Variants in TENM4 observed in about 807,000 individuals in gnomAD.
The protein encoded by TENM4 is teneurin transmembrane protein 4.
Under a neutral mutation model 243.3 loss-of-function variants are expected in TENM4, and 82 were observed. The observed-to-expected ratio is 0.34, with a 90% CI of 0.28 to 0.40. The LOEUF is 0.40. Ranked by LOEUF, TENM4 falls within the 10% of genes least tolerant of loss-of-function variation. The pLI is 1.00. For synonymous variants in TENM4, 1,412 were observed against 1,456.3 expected (o/e 0.97, Z 0.69); for missense variants, 3,138 against 3,673.3 (o/e 0.85, Z 3.77).
intron 4 of TENM4, among the ~76,000 whole-genome samples, chr11:79,101,698 C>A (rs958843604): frequency 1.3e-5 from 2 of 152,188 alleles, no homozygotes; most frequent in Non-Finnish European, 2.9e-5. Context: ...GCTTTATAAA[C>A]CAGAAAACAT....
At chr11:79,269,413 G>T (rs1367179398) in intron 2 of TENM4, among the ~76,000 whole-genome samples, 5 of 152,178 alleles carry the variant, frequency 3.3e-5, no homozygotes, top group Non-Finnish European at 2.9e-5. Context: ...TTCCTGAAGA[G>T]AATAAAAACA....
At chr11:79,331,290 G>A (rs527273830) in intron 1 of TENM4, among the ~76,000 whole-genome samples, 8 of 152,192 alleles carry the variant, frequency 5.3e-5, no homozygotes, top group African/African-American at 1.7e-4. Context: ...ATAGATGGAG[G>A]AGCCCAGGCC....
In TENM4 at chr11:78,805,281, C is replaced by CACCCACCACCCCCCCCCCCA; in HGVS notation, c.2179+10_2179+11insTGGGGGGGGGGGTGGTGGGT. 1 of 1,488,494 alleles carries CACCCACCACCCCCCCCCCCA rather than the reference C, an allele frequency of 6.7e-7. No homozygotes were observed. The allele number at this position is 1,488,494 out of a possible 1,614,324, so 92.2% of individuals were successfully genotyped here. A position where few individuals can be genotyped will look rare whatever the true frequency, so the allele number is the denominator to read the frequency against. On this transcript the variant is annotated intron_variant, in intron 15 of 33. Transcript: ENST00000278550. ...TCCCTCTACCCATGCTTCTTCTCCCCCTGCATTTACCGATAGAACAGTCGT... is the reference window on the plus strand; with the variant it reads ...TCCCTCTACCCATGCTTCTTCTCCCCACCCACCACCCCCCCCCCCACTGCATTTACCGATAGAACAGTCGT...
intron 28 of TENM4, among the ~76,000 whole-genome samples, chr11:78,689,274 G>T (rs949220): frequency 0.061 from 9,252 of 152,150 alleles, 680 homozygotes; most frequent in African/African-American, 0.18. Flanking sequence ...CAACACATGC[G>T]CTCCTCCCTG....
intron 27 of TENM4, among the ~76,000 whole-genome samples, chr11:78,703,278 G>A (rs1182591979): frequency 6.6e-6 from 1 of 152,112 alleles, no homozygotes; most frequent in Admixed American, 6.5e-5. Context: ...GAGCATAAAC[G>A]CAGAATGACA....
chr11:78,727,037 C>T (rs1418848688), intron 22 of TENM4, among the ~76,000 whole-genome samples: 1 of 152,188 alleles, frequency 6.6e-6, no homozygotes, highest in East Asian at 1.9e-4. Flanking sequence ...AGTGCATCCA[C>T]TGTAGGAATA....
At chr11:78,969,196 A>C (rs1857493691) in intron 6 of TENM4, among the ~76,000 whole-genome samples, 1 of 152,230 alleles carries the variant, frequency 6.6e-6, no homozygotes, top group Non-Finnish European at 1.5e-5. Context: ...TTTGGGAAAG[A>C]AGCAATGACA....
intron 4 of TENM4, among the ~76,000 whole-genome samples, chr11:79,125,121 A>C (rs1223062605): frequency 6.6e-6 from 1 of 151,986 alleles, no homozygotes; most frequent in Non-Finnish European, 1.5e-5. Flanking sequence ...GAGAACACTG[A>C]TAGTCCTTGG....
At chr11:79,157,938 GT>G (rs1167382859) in intron 3 of TENM4, among the ~76,000 whole-genome samples, 2 of 152,194 alleles carry the variant, frequency 1.3e-5, no homozygotes, top group Non-Finnish European at 2.9e-5. Context: ...GTTCTAACTA[GT>G]CTGGGGAGTT....
intron 6 of TENM4, among the ~76,000 whole-genome samples, chr11:79,003,714 G>A (rs958216411): frequency 3.3e-5 from 5 of 152,086 alleles, no homozygotes; most frequent in Non-Finnish European, 7.4e-5. Flanking sequence ...TGTACAAGAT[G>A]ACCATCCCCA....
At chr11:79,027,033 A>C (rs1859098474) in intron 6 of TENM4, among the ~76,000 whole-genome samples, 1 of 152,166 alleles carries the variant, frequency 6.6e-6, no homozygotes, top group Non-Finnish European at 1.5e-5. Context: ...GAGTTCCTAC[A>C]CACTCCCATG....
chr11:78,789,043 G>C (rs573513731), intron 15 of TENM4, among the ~76,000 whole-genome samples: 6 of 151,030 alleles, frequency 4.0e-5, no homozygotes, highest in African/African-American at 1.5e-4. Context: ...CTGTTTCTTT[G>C]TCTGTCTTAT....
intron 2 of TENM4, among the ~76,000 whole-genome samples, chr11:79,239,661 A>G (rs1776740394): frequency 6.6e-6 from 1 of 152,184 alleles, no homozygotes; most frequent in African/African-American, 2.4e-5. Context: ...AAAAGAAACT[A>G]ACAGTCGTTT....
intron 6 of TENM4, among the ~76,000 whole-genome samples, chr11:79,007,143 A>G (rs1467233378): frequency 6.6e-6 from 1 of 152,224 alleles, no homozygotes; most frequent in Non-Finnish European, 1.5e-5. Flanking sequence ...AATTCTTTAA[A>G]ATAAGCCTCT....
At chr11:78,977,917 C>T (rs1857701399) in intron 6 of TENM4, among the ~76,000 whole-genome samples, 1 of 152,168 alleles carries the variant, frequency 6.6e-6, no homozygotes, top group Non-Finnish European at 1.5e-5. Flanking sequence ...ATGTTTATTG[C>T]AGCACGGTTC....
intron 20 of TENM4, among the ~76,000 whole-genome samples, chr11:78,736,005 A>G (rs1317074066): frequency 6.6e-6 from 1 of 151,598 alleles, no homozygotes; most frequent in Non-Finnish European, 1.5e-5. Flanking sequence ...GTGCAGGAGT[A>G]CAGTGGGGCA....
intron 3 of TENM4, among the ~76,000 whole-genome samples, chr11:79,169,651 G>T (rs906130413): frequency 2.6e-5 from 4 of 152,166 alleles, no homozygotes; most frequent in African/African-American, 7.2e-5. Flanking sequence ...CCCAAAAAAT[G>T]ATGAGACCAA....
Position 78,832,055 on chromosome 11 carries a change from G to T in TENM4, c.1682-17660C>A, listed in dbSNP as rs189614143. Among the ~76,000 whole-genome samples the T allele has an allele frequency of 1.9e-4, 29 of 152,334 alleles. No homozygotes were observed. The East Asian group carries it at 4.6e-3, about 24-fold the overall frequency. On this transcript the variant is annotated intron_variant, in intron 12 of 33. Transcript: ENST00000278550. Reference sequence around the variant, plus strand: ...CTTCCAAGGCTCAGGGAGGATAACTGATGTTCTCAAGGTCTCACAGCTGGG... The same window carrying T: ...CTTCCAAGGCTCAGGGAGGATAACTTATGTTCTCAAGGTCTCACAGCTGGG...
chr11:79,095,289 T>C (rs892753768), intron 4 of TENM4, among the ~76,000 whole-genome samples: 1 of 152,194 alleles, frequency 6.6e-6, no homozygotes, highest in Non-Finnish European at 1.5e-5. Context: ...GCCCAGGTGG[T>C]AAGCAGCAGG....
Sources: allele counts gnomAD v4.1 joint callset (sites outside exome capture counted in the v4.1 genomes callset), GRCh38; gene constraint gnomAD v4.1.1; transcripts MANE v1.5; gene names NCBI Gene and HGNC (gene_info 2026-07-23, HGNC 2026-07-21).